Variants in SKAP1 observed in about 807,000 individuals in gnomAD.
The protein encoded by SKAP1 is src kinase associated phosphoprotein 1.
SKAP1 carries 44 observed loss-of-function variants against 58.5 expected under a neutral mutation model. The observed-to-expected ratio is 0.75, with a 90% CI of 0.59 to 0.97. The LOEUF is 0.97. Ranked by LOEUF, SKAP1 falls within the 50% of genes least tolerant of loss-of-function variation. SKAP1 has a pLI of 0.00. For synonymous variants in SKAP1, 127 were observed against 149.7 expected (o/e 0.85, Z 1.11); for missense variants, 390 against 435.2 (o/e 0.90, Z 0.92).
chr17:48,264,745 A>AAAC, intron 4 of SKAP1, among the ~76,000 whole-genome samples: 1 of 142,858 alleles, frequency 7.0e-6, no homozygotes, highest in East Asian at 2.1e-4. Flanking sequence ...AAATCTACAA[A>AAAC]ACACACACAC....
At chr17:48,310,928 C>T (rs2066214492) in intron 4 of SKAP1, among the ~76,000 whole-genome samples, 1 of 152,134 alleles carries the variant, frequency 6.6e-6, no homozygotes, top group African/African-American at 2.4e-5. Context: ...AACACTGAAA[C>T]TAAATAACTG....
intron 2 of SKAP1, among the ~76,000 whole-genome samples, chr17:48,366,420 C>T (rs757024018): frequency 1.7e-4 from 25 of 148,824 alleles, no homozygotes; most frequent in Non-Finnish European, 8.9e-5. Flanking sequence ...TCCAGGACAG[C>T]TTTGACATCT....
At chr17:48,155,902 A>G (rs1469698179) in intron 11 of SKAP1, among the ~76,000 whole-genome samples, 1 of 152,198 alleles carries the variant, frequency 6.6e-6, no homozygotes, top group Non-Finnish European at 1.5e-5. Flanking sequence ...TGGTCCACAA[A>G]AGGGTCTTGC....
At chr17:48,140,775 CTTCT>C (rs1202186419) in intron 11 of SKAP1, among the ~76,000 whole-genome samples, 62 of 126,430 alleles carry the variant, frequency 4.9e-4, no homozygotes, top group Admixed American at 1.5e-3. Flanking sequence ...TCTTCTTCTT[CTTCT>C]TTTTTTTTTT....
At chr17:48,384,852 A>T (rs2067257045) in intron 2 of SKAP1, among the ~76,000 whole-genome samples, 1 of 152,176 alleles carries the variant, frequency 6.6e-6, no homozygotes, top group African/African-American at 2.4e-5. Flanking sequence ...GGAGAACTGC[A>T]GCTGAGCTGT....
intron 1 of SKAP1, among the ~76,000 whole-genome samples, chr17:48,425,131 G>A (rs554694025): frequency 1.4e-4 from 21 of 152,050 alleles, no homozygotes; most frequent in Admixed American, 3.3e-4. Flanking sequence ...GGTGGCGTGC[G>A]CCAGTATTCC....
At chr17:48,325,725 T>C (rs549231103) in intron 4 of SKAP1, among the ~76,000 whole-genome samples, 33 of 152,334 alleles carry the variant, frequency 2.2e-4, no homozygotes, top group African/African-American at 7.2e-4. Flanking sequence ...ATTCTAGATA[T>C]AATGTGCTGT....
chr17:48,343,877 A>G (rs941879894), intron 4 of SKAP1, among the ~76,000 whole-genome samples: 7 of 152,306 alleles, frequency 4.6e-5, no homozygotes, highest in African/African-American at 1.7e-4. Context: ...GAACCAGACT[A>G]TGTATGTGTA....
At chr17:48,334,485 T>TA (rs1598582803) in intron 4 of SKAP1, among the ~76,000 whole-genome samples, 1 of 151,900 alleles carries the variant, frequency 6.6e-6, no homozygotes, top group African/African-American at 2.4e-5. Context: ...AGCACAGGTA[T>TA]AACTAAAGGC....
At chr17:48,383,714 C>CTT (rs554578193) in intron 2 of SKAP1, among the ~76,000 whole-genome samples, 10 of 111,646 alleles carry the variant, frequency 9.0e-5, no homozygotes, top group East Asian at 7.2e-4. Context: ...AATCTCTGCC[C>CTT]TTTTTTTTTT....
rs952046738 is a variant in SKAP1 at position 48,399,041 on chromosome 17, C to CA, written c.47-2257dup. 6.2e-4 allele frequency among the ~76,000 whole-genome samples: 93 copies of CA among 151,162 alleles called. 1 individual carries two copies. Among genetic ancestry groups the CA allele is most frequent in the Admixed American group, 1.4e-3 (21 of 15,202 alleles). On this transcript the variant is annotated intron_variant, in intron 1 of 12. Transcript: ENST00000336915. ...TCTCAAAAAGAAACAAACAAACAAA[C>CA]AAAAAAAACCACCAAACAAAAAATC...
intron 2 of SKAP1, among the ~76,000 whole-genome samples, chr17:48,367,778 C>T (rs1479697236): frequency 6.6e-6 from 1 of 151,098 alleles, no homozygotes; most frequent in East Asian, 1.9e-4. Context: ...ATTAGCCGGG[C>T]GTGGTGGCAC....
At chr17:48,235,395 C>G (rs1482745905) in intron 4 of SKAP1, among the ~76,000 whole-genome samples, 1 of 151,774 alleles carries the variant, frequency 6.6e-6, no homozygotes, top group Non-Finnish European at 1.5e-5. Context: ...ACTTGCTAGA[C>G]AACTATCAAG....
intron 1 of SKAP1, among the ~76,000 whole-genome samples, chr17:48,399,193 A>G (rs1241598505): frequency 6.6e-6 from 1 of 152,228 alleles, no homozygotes; most frequent in African/African-American, 2.4e-5. Flanking sequence ...AATGGGTTCC[A>G]CTAGGGTCCT....
chr17:48,210,882 C>T (rs942123245), intron 4 of SKAP1, among the ~76,000 whole-genome samples: 2 of 152,146 alleles, frequency 1.3e-5, no homozygotes, highest in Non-Finnish European at 2.9e-5. Flanking sequence ...GGTTTGTCCT[C>T]GGCTACCCTC....
intron 7 of SKAP1, among the ~76,000 whole-genome samples, chr17:48,183,712 C>A (rs1486992764): frequency 1.3e-5 from 2 of 151,914 alleles, no homozygotes; most frequent in African/African-American, 4.8e-5. Flanking sequence ...GTGCATAGAT[C>A]TATATTATAT....
intron 4 of SKAP1, among the ~76,000 whole-genome samples, chr17:48,283,951 A>G (rs1323158910): frequency 6.6e-6 from 1 of 152,164 alleles, no homozygotes; most frequent in Non-Finnish European, 1.5e-5. Context: ...TTTCAATGCC[A>G]TTCTCTGTCT....
chr17:48,273,087 C>T (rs566216457), intron 4 of SKAP1, among the ~76,000 whole-genome samples: 22 of 152,302 alleles, frequency 1.4e-4, no homozygotes, highest in African/African-American at 5.3e-4. Flanking sequence ...TGGAGCTTCT[C>T]TATGTAAAGA....
At chr17:48,291,677 C>T (rs2065898273) in intron 4 of SKAP1, among the ~76,000 whole-genome samples, 1 of 152,180 alleles carries the variant, frequency 6.6e-6, no homozygotes. Context: ...CTCCCTAAAT[C>T]ATATTAATAT....
Sources: allele counts gnomAD v4.1 joint callset (sites outside exome capture counted in the v4.1 genomes callset), GRCh38; gene constraint gnomAD v4.1.1; transcripts MANE v1.5; gene names NCBI Gene and HGNC (gene_info 2026-07-23, HGNC 2026-07-21).